ANKRD35: variants seen among roughly 807,000 people sequenced by gnomAD.
ANKRD35 encodes the protein ankyrin repeat domain 35, also known as ankyrin repeat domain-containing protein 35.
Under a neutral mutation model 109.9 loss-of-function variants are expected in ANKRD35, and 102 were observed. The ratio of observed to expected loss-of-function variants is 0.93; its 90% CI spans 0.79 to 1.09. The LOEUF (loss-of-function observed/expected upper bound fraction) is 1.09, where lower values mean the gene tolerates loss of function less well. Among genes scored for constraint, ANKRD35 ranks in the 50% least tolerant of loss-of-function variants. The probability of loss-of-function intolerance (pLI) is 0.00; values close to 1 mark genes in which losing one functional copy is unlikely to be tolerated. For synonymous variants in ANKRD35, 515 were observed against 512.4 expected (o/e 1.01, Z -0.07); for missense variants, 1,240 against 1,230.1 (o/e 1.01, Z -0.12).
intron 1 of ANKRD35, among the ~76,000 whole-genome samples, chr1:145,881,749 A>T (rs1553741122): frequency 6.6e-6 from 1 of 152,130 alleles, no homozygotes; most frequent in African/African-American, 2.4e-5. Flanking sequence ...ATAACAACCT[A>T]TAAGGCATCT....
At chr1:145,884,815 C>A (rs1553741624) in intron 1 of ANKRD35, among the ~76,000 whole-genome samples, 1 of 152,158 alleles carries the variant, frequency 6.6e-6, no homozygotes, top group East Asian at 1.9e-4. Context: ...GAAAAGCAGG[C>A]AGAAAGGCCT....
intron 11 of ANKRD35, 49 bp from the exon 12 acceptor site, chr1:145,868,105 A>G: frequency 6.3e-7 from 1 of 1,579,848 alleles, no homozygotes; most frequent in East Asian, 2.2e-5. Context: ...TCAGTCACCC[A>G]AGCATGAGGA....
In ANKRD35 at chr1:145,872,250, C is replaced by G; in HGVS notation, c.2519G>C (p.Gly840Ala). 6.2e-7 allele frequency: 1 copy of G among 1,611,532 alleles called. No homozygotes were observed. Among genetic ancestry groups the G allele is most frequent in the Middle Eastern group, 1.7e-4 (1 of 6,002 alleles). ...ASLRQHEKTRGSLVAQAQAWG... is the reference protein window; with the variant it reads ...ASLRQHEKTRASLVAQAQAWG... ...AGCCTGAGCCTGGGCCACCAGCGAA[C>G]CCCGAGTTTTCTCGTGTTGCCGTAG... The change falls in exon 10 of 14, where the codon GGT (glycine) becomes GCT (alanine). Residue 840 changes from glycine to alanine, a missense_variant. Physicochemically the swap from Gly to Ala is moderately conservative, Grantham distance 60. Transcript: ENST00000355594.
Position 145,873,721 on chromosome 1 carries a change from A to G in ANKRD35, c.1048T>C (p.Trp350Arg), listed in dbSNP as rs1553739461. 6.2e-7 allele frequency: 1 copy of G among 1,613,856 alleles called. No homozygotes were observed. Among genetic ancestry groups the G allele is most frequent in the South Asian group, 1.1e-5 (1 of 91,024 alleles). The change falls in exon 10 of 14, where the codon TGG (tryptophan) becomes CGG (arginine). Residue 350 changes from tryptophan to arginine, a missense_variant. By Grantham distance (101) the Trp-to-Arg change is moderately radical. Coordinates refer to ENST00000355594, the MANE Select transcript of ANKRD35 (RefSeq NM_144698.5). ...TGCTTTCCTGAAGCTCTGGGCTCCC[A>G]GGATAGGAGGACCCCTAGCTCCTGC... Reference protein sequence around the residue: ...QAQELGVLLSWEPRASGKQGS... With the variant: ...QAQELGVLLSREPRASGKQGS...
Position 145,879,402 on chromosome 1 carries a change from A to G in ANKRD35, c.40-14T>C, listed in dbSNP as rs781835645. The G allele has an allele frequency of 8.5e-6, 13 of 1,535,760 alleles. No individual in the cohort carries two copies. In the African/African-American group the frequency reaches 1.1e-4, roughly 13 times the overall value. On this transcript the variant is annotated splice_polypyrimidine_tract_variant and intron_variant, in intron 1 of 13. Transcript: ENST00000355594. ...CCATCTCTCCACCTGGTCCAGAGCCACAGGTTGTGTGAATATAGGGCATGA... is the reference window on the plus strand; with the variant it reads ...CCATCTCTCCACCTGGTCCAGAGCCGCAGGTTGTGTGAATATAGGGCATGA...
intron 10 of ANKRD35, among the ~76,000 whole-genome samples, chr1:145,870,920 T>A (rs1653786098): frequency 6.6e-6 from 1 of 151,876 alleles, no homozygotes; most frequent in African/African-American, 2.4e-5. Context: ...TTATATTTTT[T>A]AATCATTCTA....
At chr1:145,875,149 C>CTT (rs1378817119) in intron 7 of ANKRD35, 143 bp from the exon 8 acceptor site, 1,544 of 523,890 alleles carry the variant, frequency 2.9e-3, no homozygotes, top group South Asian at 3.9e-3. Context: ...CTAGACTTCT[C>CTT]TTTTTTTTTT....
intron 8 of ANKRD35, 48 bp from the exon 9 acceptor site, chr1:145,874,240 T>C (rs370571914): frequency 1.3e-6 from 2 of 1,592,788 alleles, no homozygotes; most frequent in Admixed American, 1.7e-5. Flanking sequence ...AGGTTCCATG[T>C]ACTTCCAGCC....
At chr1:145,882,177 A>G (rs587671102) in intron 1 of ANKRD35, among the ~76,000 whole-genome samples, 276 of 151,758 alleles carry the variant, frequency 1.8e-3, no homozygotes, top group Non-Finnish European at 3.3e-3. Flanking sequence ...GATGGTCTCA[A>G]TCTCCTGACC....
intron 1 of ANKRD35, among the ~76,000 whole-genome samples, chr1:145,882,562 G>C (rs1357593449): frequency 7.2e-5 from 11 of 151,890 alleles, no homozygotes; most frequent in African/African-American, 2.7e-4. Context: ...CCAAAGTGCT[G>C]GGATTATAGG....
intron 1 of ANKRD35, among the ~76,000 whole-genome samples, chr1:145,885,460 AATC>A (rs1654443267): frequency 6.6e-6 from 1 of 151,942 alleles, no homozygotes; most frequent in Admixed American, 6.6e-5. Context: ...ACGAACCAGA[AATC>A]GGGGGTGTAG....
At chr1:145,868,731 G>T (rs1819348) in intron 10 of ANKRD35, among the ~76,000 whole-genome samples, 71,937 of 151,990 alleles carry the variant, frequency 0.47, 17,505 homozygotes, top group East Asian at 0.73. Flanking sequence ...ATGATTAAAA[G>T]TGGGCCTCTA....
chr1:145,880,643 C>G (rs1439497938), intron 1 of ANKRD35, among the ~76,000 whole-genome samples: 3 of 152,104 alleles, frequency 2.0e-5, no homozygotes, highest in Non-Finnish European at 4.4e-5. Flanking sequence ...AAGGTATAAT[C>G]TCAACAAGAG....
At chr1:145,877,016 C>A in intron 4 of ANKRD35, 143 bp from the exon 5 acceptor site, 1 of 752,526 alleles carries the variant, frequency 1.3e-6, no homozygotes. Context: ...TAGGCAAGCC[C>A]AGTTCATCCA....
rs1030815122 is a variant in ANKRD35 at position 145,874,970 on chromosome 1, G to A, written c.597C>T (p.Ala199=). 15 of 1,611,438 alleles carry A rather than the reference G, an allele frequency of 9.3e-6. No homozygotes were observed. Among genetic ancestry groups the A allele is most frequent in the Middle Eastern group, 1.6e-4 (1 of 6,068 alleles). ...ALILACEKGS[A]EVAELLLSHG... ...GGCTCAGGAGCAGTTCAGCCACCTC[G>A]GCACTGCCTTTCTCACAGGCCAGGA... Residue 199 remains alanine (A), a synonymous_variant, in exon 8 of 14, where the codon GCC becomes GCT. Transcript: ENST00000355594.
rs1553739057 is a variant in ANKRD35, at chr1:145,872,700, A to C, written c.2069T>G (p.Leu690Arg). The change falls in exon 10 of 14, where the codon CTG becomes CGG. Residue 690 changes from leucine to arginine, a missense_variant. Transcript: ENST00000355594. ...GCTCTGGGAGGCCAGGAGCTTCCGCAGCTTCTCTGTGGCCTCCTTCTCCAT... is the reference window on the plus strand; with the variant it reads ...GCTCTGGGAGGCCAGGAGCTTCCGCCGCTTCTCTGTGGCCTCCTTCTCCAT... Reference protein sequence around the residue: ...LAMEKEATEKLRKLLASQSSG... With the variant: ...LAMEKEATEKRRKLLASQSSG... The C allele has an allele frequency of 1.2e-6, 2 of 1,614,066 alleles. No individual in the cohort carries two copies. The highest frequency in any genetic ancestry group is 1.7e-5 in the Admixed American group (1 of 60,016).
Position 145,873,866 on chromosome 1 carries a change from C to T in ANKRD35, c.903G>A (p.Lys301=). The T allele has an allele frequency of 1.2e-6, 2 of 1,613,856 alleles. No individual in the cohort carries two copies. Among genetic ancestry groups the T allele is most frequent in the South Asian group, 1.1e-5 (1 of 91,018 alleles). ...EDPCSEEWRW[K]YEEERRKVVR... ...CAACTTTCCTCCGCTCCTCTTCATACTTCCACCTCCACTCCTCCGAGCACG... is the reference window on the plus strand; with the variant it reads ...CAACTTTCCTCCGCTCCTCTTCATATTTCCACCTCCACTCCTCCGAGCACG... Residue 301 remains lysine, a synonymous_variant, in exon 10 of 14, where the codon AAG becomes AAA. Transcript: ENST00000355594.
chr1:145,881,782 A>G (rs1654295264), intron 1 of ANKRD35, among the ~76,000 whole-genome samples: 3 of 152,190 alleles, frequency 2.0e-5, no homozygotes, highest in Non-Finnish European at 2.9e-5. Context: ...GTCACATAGT[A>G]GATGCACAAT....
At position 145,877,526 on chromosome 1, in the gene ANKRD35, C is replaced by T. The variant is rs78004909; in HGVS notation, c.324+442G>A. ...GATTACAGGCATGAGCCACCGCACC[C>T]GGCCAGTAACTGCCTTTTGTGCTTT... On this transcript the variant is annotated intron_variant, in intron 4 of 13. Coordinates refer to ENST00000355594, the MANE Select transcript of ANKRD35 (RefSeq NM_144698.5). Among the ~76,000 whole-genome samples the T allele has an allele frequency of 1.7e-4, 26 of 152,320 alleles. No individual in the cohort carries two copies. The East Asian group carries it at 3.1e-3, about 18-fold the overall frequency.
Sources: gnomAD v4.1 joint callset for allele counts (sites outside exome capture counted in the v4.1 genomes callset) on GRCh38, gnomAD v4.1.1 for gene constraint, MANE v1.5 for transcripts, NCBI Gene and HGNC (gene_info 2026-07-23, HGNC 2026-07-21) for gene names.